SRRM4: variants seen among roughly 807,000 people sequenced by gnomAD.
SRRM4 encodes serine/arginine repetitive matrix protein 4.
Under a neutral mutation model 68.9 loss-of-function variants are expected in SRRM4, and 33 were observed. The observed-to-expected ratio is 0.48, with a 90% CI of 0.36 to 0.64. The LOEUF (loss-of-function observed/expected upper bound fraction) is 0.64, where lower values mean the gene tolerates loss of function less well. Among genes scored for constraint, SRRM4 ranks in the 30% least tolerant of loss-of-function variants. The pLI, the probability that SRRM4 is intolerant of heterozygous loss-of-function variation, is 0.00. For missense variants in SRRM4, 817 were observed against 827.1 expected, an observed-to-expected ratio of 0.99 and a Z score of 0.15; for synonymous variants, 318 against 318.8, an observed-to-expected ratio of 1.00 and a Z score of 0.03.
At position 119,126,234 on chromosome 12, in the gene SRRM4, G is replaced by A. The variant is rs139741107; in HGVS notation, c.614+755G>A. Among the ~76,000 whole-genome samples the A allele has an allele frequency of 3.6e-3, 544 of 151,864 alleles. 5 individuals carry two copies. The highest frequency in any genetic ancestry group is 0.013 in the African/African-American group (519 of 41,446). ...AGACAGGGTTTCACCGTGTTGGCCA[G>A]GCTAGTCTCAAACTCCTGACCTCAA... is the stretch of plus-strand genomic sequence containing the variant. On this transcript the variant is annotated intron_variant, in intron 7 of 12. Coordinates refer to ENST00000267260, the MANE Select transcript of SRRM4 (RefSeq NM_194286.4).
chr12:118,997,352 G>A (rs1953356079), intron 1 of SRRM4, among the ~76,000 whole-genome samples: 1 of 152,160 alleles, frequency 6.6e-6, no homozygotes, highest in South Asian at 2.1e-4. Context: ...ATTTACCCAG[G>A]GCTGCGCAAC....
rs551989506 is a variant in SRRM4, at chr12:119,046,963, C to T, written c.132-55273C>T. Reference sequence around the variant, plus strand: ...AGGAGAATGGTGTGAACCCGGGAGGCGGAGCTTGCAGTGAGCTGAGATCTC... The same window carrying T: ...AGGAGAATGGTGTGAACCCGGGAGGTGGAGCTTGCAGTGAGCTGAGATCTC... On this transcript the variant is annotated intron_variant, in intron 1 of 12. Coordinates refer to ENST00000267260, the MANE Select transcript of SRRM4 (RefSeq NM_194286.4). Among the ~76,000 whole-genome samples the T allele has an allele frequency of 1.9e-4, 27 of 145,638 alleles. 1 individual carries two copies. Among genetic ancestry groups the T allele is most frequent in the Admixed American group, 5.0e-4 (7 of 14,014 alleles).
At position 119,113,042 on chromosome 12, in the gene SRRM4, TA is replaced by T. The variant is rs557829442; in HGVS notation, c.279-1235del. ...GCAAATTAGTAGAAAAGCTCAATAA[TA>T]TAAATAGTCTCTCCTCCAGCTGTTT... is the stretch of plus-strand genomic sequence containing the variant. On this transcript the variant is annotated intron_variant, in intron 2 of 12. Coordinates refer to ENST00000267260, the MANE Select transcript of SRRM4 (RefSeq NM_194286.4). Among the ~76,000 whole-genome samples the T allele has an allele frequency of 2.1e-3, 323 of 152,244 alleles. 2 individuals carry two copies. The highest frequency in any genetic ancestry group is 7.5e-3 in the African/African-American group (312 of 41,552).
chr12:119,125,663 T>C (rs951128960), intron 7 of SRRM4, among the ~76,000 whole-genome samples, 184 bp downstream of exon 7: 2 of 152,144 alleles, frequency 1.3e-5, no homozygotes, highest in Non-Finnish European at 2.9e-5. Context: ...GGCTCACGCC[T>C]GTAATGCTAG....
intron 1 of SRRM4, among the ~76,000 whole-genome samples, chr12:119,067,206 A>G (rs1299335228): frequency 6.6e-6 from 1 of 151,296 alleles, no homozygotes; most frequent in Non-Finnish European, 1.5e-5. Context: ...TAAAACTTTT[A>G]CGAGGGCAGA....
chr12:119,161,229 T>C lies in SRRM4; in HGVS notation c.*4431T>C, dbSNP rs893968647. 6.6e-6 allele frequency: 1 copy of C among 152,232 alleles called. No individual in the cohort carries two copies. The highest frequency in any genetic ancestry group is 2.4e-5 in the African/African-American group (1 of 41,458). The allele number at this position is 152,232 out of a possible 1,614,324, so 9.4% of individuals were successfully genotyped here. On this transcript the variant is annotated 3_prime_UTR_variant, in exon 13 of 13. Transcript: ENST00000267260. ...TCATGCGCATGTGTCTTGCCCCACTTTCCCCTTTAGCTGAACAGAAAATTT... is the reference window on the plus strand; with the variant it reads ...TCATGCGCATGTGTCTTGCCCCACTCTCCCCTTTAGCTGAACAGAAAATTT...
chr12:119,102,089 T>TA, intron 1 of SRRM4, 147 bp from the exon 2 acceptor site: 1 of 723,500 alleles, frequency 1.4e-6, no homozygotes, highest in African/African-American at 1.8e-5. Context: ...CCCTCCTGCT[T>TA]AGAGACCATT....
chr12:119,076,016 A>G (rs1463322256), intron 1 of SRRM4, among the ~76,000 whole-genome samples: 1 of 150,620 alleles, frequency 6.6e-6, no homozygotes, highest in African/African-American at 2.4e-5. Context: ...GGTGGCGATG[A>G]TGATGATGGT....
intron 1 of SRRM4, among the ~76,000 whole-genome samples, chr12:119,065,296 T>C (rs894671702): frequency 6.6e-5 from 10 of 152,164 alleles, no homozygotes; most frequent in African/African-American, 2.4e-4. Flanking sequence ...CCATCAAAAA[T>C]GTAGACAGCT....
At chr12:119,128,584 G>A (rs1309177875) in intron 7 of SRRM4, among the ~76,000 whole-genome samples, 1 of 152,158 alleles carries the variant, frequency 6.6e-6, no homozygotes, top group Non-Finnish European at 1.5e-5. Context: ...TTTTCTGGAG[G>A]ACATTGGCCA....
Position 119,157,035 on chromosome 12 carries a change from C to A in SRRM4, c.*237C>A. 1 of 491,660 alleles carries A rather than the reference C, an allele frequency of 2.0e-6. No homozygotes were observed. 30.5% of individuals were successfully genotyped at this position (491,660 alleles called of 1,614,324 possible). ...TCAGGCCTGGGCATATGGAAAGAAC[C>A]ATCATCTTGTGGCACAAAAAAAGAA... On this transcript the variant is annotated 3_prime_UTR_variant, in exon 13 of 13. Coordinates refer to ENST00000267260, the MANE Select transcript of SRRM4 (RefSeq NM_194286.4). This position sits in a 1 kb window ranked among gnomAD's most constrained non-coding sequence, Gnocchi z 4.1.
intron 1 of SRRM4, among the ~76,000 whole-genome samples, chr12:119,017,986 G>A (rs1484974025): frequency 1.3e-5 from 2 of 152,160 alleles, no homozygotes; most frequent in Non-Finnish European, 2.9e-5. Flanking sequence ...CTAACGTGAG[G>A]CAGAATAATT....
chr12:119,016,932 T>C (rs1953485643), intron 1 of SRRM4, among the ~76,000 whole-genome samples: 1 of 152,226 alleles, frequency 6.6e-6, no homozygotes, highest in South Asian at 2.1e-4. Context: ...TTCTCATCTG[T>C]AGAATGGGGA....
intron 1 of SRRM4, among the ~76,000 whole-genome samples, chr12:118,983,571 A>G (rs1401991244): frequency 6.6e-6 from 1 of 152,202 alleles, no homozygotes; most frequent in East Asian, 1.9e-4. Flanking sequence ...CAGGTGCTGC[A>G]CTGGCCAAAG....
In SRRM4 at chr12:119,157,502, G is replaced by A. The variant is rs745728799; in HGVS notation, c.*704G>A. The A allele has an allele frequency of 2.6e-5, 4 of 152,378 alleles. No individual in the cohort carries two copies. The highest frequency in any genetic ancestry group is 5.9e-5 in the Non-Finnish European group (4 of 68,220). 9.4% of individuals were successfully genotyped at this position (152,378 alleles called of 1,614,324 possible). On this transcript the variant is annotated 3_prime_UTR_variant, in exon 13 of 13. Transcript: ENST00000267260. The surrounding 1 kb of genome is among the most constrained non-coding windows in gnomAD (Gnocchi z 4.1). ...TCCCAATACCTCAGCATGGTAAGGGGACAGAGCCCAGCAGATCCCAGCTGT... is the reference window on the plus strand; with the variant it reads ...TCCCAATACCTCAGCATGGTAAGGGAACAGAGCCCAGCAGATCCCAGCTGT...
In SRRM4 at chr12:119,016,057, T is replaced by A. The variant is rs374211111; in HGVS notation, c.131+34044T>A. 3.3e-5 allele frequency among the ~76,000 whole-genome samples: 5 copies of A among 152,094 alleles called. No homozygotes were observed. In the East Asian group the frequency reaches 5.8e-4, roughly 18 times the overall value. ...AGCACTTAATCCAATACAACTGGTA[T>A]CCTTATGATGAGGGGAGAAGACACA... On this transcript the variant is annotated intron_variant, in intron 1 of 12. Coordinates refer to ENST00000267260, the MANE Select transcript of SRRM4 (RefSeq NM_194286.4).
At chr12:119,066,395 T>C (rs1478980053) in intron 1 of SRRM4, among the ~76,000 whole-genome samples, 2 of 152,246 alleles carry the variant, frequency 1.3e-5, no homozygotes, top group Non-Finnish European at 2.9e-5. Flanking sequence ...GATTCAGCTC[T>C]CAGTGAATGT....
chr12:119,148,646 G>A (rs1954419049), intron 9 of SRRM4, among the ~76,000 whole-genome samples: 1 of 152,182 alleles, frequency 6.6e-6, no homozygotes, highest in Admixed American at 6.5e-5. Flanking sequence ...GCTCAGAGTG[G>A]TTGAGAAACT....
chr12:119,115,188 G>A (rs866726848), intron 3 of SRRM4, among the ~76,000 whole-genome samples: 1 of 152,012 alleles, frequency 6.6e-6, no homozygotes, highest in Non-Finnish European at 1.5e-5. Context: ...GTTCTACGAC[G>A]CCCACCTAAC....
Sources: gnomAD v4.1 joint callset for allele counts (sites outside exome capture counted in the v4.1 genomes callset) on GRCh38, gnomAD v4.1.1 for gene constraint, Gnocchi (gnomAD v3.1) non-coding constraint, MANE v1.5 for transcripts, NCBI Gene and HGNC (gene_info 2026-07-23, HGNC 2026-07-21) for gene names.